The following DSCAM variants were observed in gnomAD, a reference collection of about 807,000 sequenced individuals.
DSCAM encodes the protein DS cell adhesion molecule.
DSCAM carries 47 observed loss-of-function variants against 217.7 expected under a neutral mutation model. That is an observed-to-expected ratio of 0.22 (90% CI 0.17 to 0.28). The LOEUF (loss-of-function observed/expected upper bound fraction) is 0.28, where lower values mean the gene tolerates loss of function less well. DSCAM is among the 10% of genes least tolerant of loss of function. The probability of loss-of-function intolerance (pLI) is 1.00; values close to 1 mark genes in which losing one functional copy is unlikely to be tolerated. For missense variants in DSCAM, 2,080 were observed against 2,618.3 expected (o/e 0.79, Z 4.49); for synonymous variants, 1,056 against 1,015.3 (o/e 1.04, Z -0.76).
chr21:40,126,801 G>GATCT (rs145382213), intron 19 of DSCAM, among the ~76,000 whole-genome samples: 3 of 152,124 alleles, frequency 2.0e-5, no homozygotes, highest in Non-Finnish European at 4.4e-5. Flanking sequence ...ATGGATTTAT[G>GATCT]ATCTATCTTA....
chr21:40,464,905 T>C (rs2075832163), intron 3 of DSCAM, among the ~76,000 whole-genome samples: 1 of 152,038 alleles, frequency 6.6e-6, no homozygotes, highest in Non-Finnish European at 1.5e-5. Context: ...CATGCCCAGC[T>C]AATTTTTGTA....
intron 2 of DSCAM, among the ~76,000 whole-genome samples, chr21:40,696,501 G>T (rs1248501814): frequency 1.3e-5 from 2 of 152,110 alleles, no homozygotes; most frequent in Admixed American, 6.5e-5. Context: ...TTGGCTTAGG[G>T]CTGGCCTCAG....
At chr21:40,826,248 C>T (rs915069749) in intron 1 of DSCAM, among the ~76,000 whole-genome samples, 20 of 152,082 alleles carry the variant, frequency 1.3e-4, no homozygotes, top group South Asian at 4.1e-4. Flanking sequence ...AGAAGTGGGG[C>T]GGGAAAAGGC....
chr21:40,639,610 T>C (rs2089852466), intron 3 of DSCAM, among the ~76,000 whole-genome samples: 4 of 152,190 alleles, frequency 2.6e-5, no homozygotes, highest in Admixed American at 2.0e-4. Flanking sequence ...GTATCTATTT[T>C]AGAGTGAGCC....
chr21:40,435,125 A>G (rs1172326353), intron 3 of DSCAM, among the ~76,000 whole-genome samples: 1 of 152,188 alleles, frequency 6.6e-6, no homozygotes, highest in East Asian at 1.9e-4. Flanking sequence ...TTACCCCGGA[A>G]TCACCCTTTT....
At position 40,137,850 on chromosome 21, in the gene DSCAM, C is replaced by T. The variant is rs75910207; in HGVS notation, c.3407-3841G>A. ...GAATAGCTTCTGAAGCAAGCCTCAG[C>T]TGCCCACACACTCCAGTTGGCACCT... is the stretch of plus-strand genomic sequence containing the variant. On this transcript the variant is annotated intron_variant, in intron 18 of 32. Coordinates refer to ENST00000400454, the MANE Select transcript of DSCAM (RefSeq NM_001389.5). Among the ~76,000 whole-genome samples the T allele has an allele frequency of 6.9e-3, 1,057 of 152,272 alleles. 8 individuals carry two copies. Among genetic ancestry groups the T allele is most frequent in the African/African-American group, 0.024 (994 of 41,538 alleles).
At chr21:40,790,191 T>C (rs28663497) in intron 1 of DSCAM, among the ~76,000 whole-genome samples, 5 of 147,624 alleles carry the variant, frequency 3.4e-5, no homozygotes, top group Admixed American at 7.1e-5. Flanking sequence ...TTTTTTTTTT[T>C]TTTTTTTTTA....
At chr21:40,021,450 T>G (rs180673447) in intron 32 of DSCAM, among the ~76,000 whole-genome samples, 2 of 152,258 alleles carry the variant, frequency 1.3e-5, no homozygotes, top group Non-Finnish European at 2.9e-5. Context: ...CAAGGACCAC[T>G]GGCCCATCCA....
intron 3 of DSCAM, among the ~76,000 whole-genome samples, chr21:40,654,650 G>T (rs2090053281): frequency 6.6e-6 from 1 of 152,118 alleles, no homozygotes; most frequent in Admixed American, 6.5e-5. Context: ...CCTGTTTCTT[G>T]GTTCATGGCT....
At chr21:40,150,158 A>G (rs1234398111) in intron 16 of DSCAM, among the ~76,000 whole-genome samples, 1 of 152,258 alleles carries the variant, frequency 6.6e-6, no homozygotes, top group Admixed American at 6.5e-5. Flanking sequence ...AAAAGGTCAA[A>G]TATGTTAAAA....
chr21:40,254,605 T>C (rs1356306817), intron 11 of DSCAM, among the ~76,000 whole-genome samples: 1 of 151,944 alleles, frequency 6.6e-6, no homozygotes, highest in East Asian at 1.9e-4. Context: ...TTCACGGGGG[T>C]GGGTATAAAG....
At chr21:40,214,244 T>C (rs928295553) in intron 11 of DSCAM, among the ~76,000 whole-genome samples, 5 of 152,216 alleles carry the variant, frequency 3.3e-5, no homozygotes, top group Non-Finnish European at 7.3e-5. Context: ...ATAAGAATAT[T>C]TAATGCACTC....
At chr21:40,733,333 C>T (rs997045621) in intron 1 of DSCAM, among the ~76,000 whole-genome samples, 2 of 152,194 alleles carry the variant, frequency 1.3e-5, no homozygotes, top group Non-Finnish European at 2.9e-5. Context: ...CAATTCCCTA[C>T]TCCCAGTCTA....
intron 3 of DSCAM, among the ~76,000 whole-genome samples, chr21:40,579,526 A>G (rs1354330982): frequency 6.6e-6 from 1 of 152,176 alleles, no homozygotes; most frequent in Admixed American, 6.5e-5. Context: ...TAGAACTGAC[A>G]AACAGCCAGA....
chr21:40,793,416 G>T (rs1176040018), intron 1 of DSCAM, among the ~76,000 whole-genome samples: 1 of 152,124 alleles, frequency 6.6e-6, no homozygotes, highest in Non-Finnish European at 1.5e-5. Context: ...CTTGGGTAAG[G>T]TCCATTGTGA....
chr21:40,794,539 T>C (rs758440112), intron 1 of DSCAM, among the ~76,000 whole-genome samples: 35 of 106,808 alleles, frequency 3.3e-4, no homozygotes, highest in Non-Finnish European at 7.4e-4. Flanking sequence ...CTTAGTCAAA[T>C]TGGAAAAAAA....
chr21:40,022,242 G>C (rs1314380448), intron 32 of DSCAM, among the ~76,000 whole-genome samples: 1 of 152,140 alleles, frequency 6.6e-6, no homozygotes, highest in African/African-American at 2.4e-5. Flanking sequence ...GAGACATTTT[G>C]ATTGTCATAA....
At chr21:40,394,489 C>A (rs2075161082) in intron 3 of DSCAM, among the ~76,000 whole-genome samples, 1 of 152,226 alleles carries the variant, frequency 6.6e-6, no homozygotes, top group Non-Finnish European at 1.5e-5. Flanking sequence ...AGTCTCCATA[C>A]ATACACAATG....
intron 3 of DSCAM, among the ~76,000 whole-genome samples, chr21:40,628,941 T>C (rs568989567): frequency 9.2e-5 from 14 of 152,008 alleles, no homozygotes; most frequent in African/African-American, 3.4e-4. Flanking sequence ...AGAGATGGGG[T>C]TTGACATGTT....
Sources: gnomAD v4.1 joint callset for allele counts (sites outside exome capture counted in the v4.1 genomes callset) on GRCh38, gnomAD v4.1.1 for gene constraint, MANE v1.5 for transcripts, NCBI Gene and HGNC (gene_info 2026-07-23, HGNC 2026-07-21) for gene names.